Variants in AFG1L observed in about 807,000 individuals in gnomAD.
AFG1L encodes the protein AFG1-like ATPase.
A neutral mutation model predicts 62.2 loss-of-function variants in AFG1L; 53 were observed. The ratio of observed to expected loss-of-function variants is 0.85; its 90% CI spans 0.68 to 1.07. The LOEUF is 1.07. Among genes scored for constraint, AFG1L ranks in the 50% least tolerant of loss-of-function variants. The probability of loss-of-function intolerance (pLI) is 0.00; values close to 1 mark genes in which losing one functional copy is unlikely to be tolerated. For synonymous variants in AFG1L, 228 were observed against 210.3 expected, an observed-to-expected ratio of 1.08 and a Z score of -0.73; for missense variants, 555 against 590.5, an observed-to-expected ratio of 0.94 and a Z score of 0.62.
intron 10 of AFG1L, 147 bp downstream of exon 10, chr6:108,477,439 T>A: frequency 2.1e-6 from 1 of 467,866 alleles, no homozygotes; most frequent in East Asian, 3.4e-5. Context: ...TACTCATCTA[T>A]TTTTGCCATG....
At chr6:108,428,574 A>G (rs904765686) in intron 7 of AFG1L, among the ~76,000 whole-genome samples, 2 of 152,228 alleles carry the variant, frequency 1.3e-5, no homozygotes, top group African/African-American at 2.4e-5. Flanking sequence ...CGAGCAGTGT[A>G]TAAGAGTTTC....
At chr6:108,376,408 A>C (rs4945811) in intron 6 of AFG1L, among the ~76,000 whole-genome samples, 1 of 152,074 alleles carries the variant, frequency 6.6e-6, no homozygotes, top group African/African-American at 2.4e-5. Flanking sequence ...TGGATTGTTG[A>C]TTAGTATCTC....
chr6:108,369,051 C>T (rs950238712), intron 6 of AFG1L, among the ~76,000 whole-genome samples: 3 of 152,058 alleles, frequency 2.0e-5, no homozygotes, highest in Non-Finnish European at 4.4e-5. Context: ...CCACAGCAGA[C>T]AATCATCATA....
In AFG1L at chr6:108,454,598, G is replaced by T. The variant is rs558269441; in HGVS notation, c.890+7302G>T. Among the ~76,000 whole-genome samples, 7 of 152,258 alleles carry T rather than the reference G, an allele frequency of 4.6e-5. No homozygotes were observed. The East Asian group carries it at 1.4e-3, about 29-fold the overall frequency. On this transcript the variant is annotated intron_variant, in intron 8 of 12. Transcript: ENST00000368977. ...TGTTTATTGTCAGTGTAAATCAAAG[G>T]TCAGTTTCCCATCCTTCAGCAGCAC...
intron 8 of AFG1L, among the ~76,000 whole-genome samples, chr6:108,476,626 C>T (rs1401316062): frequency 6.6e-6 from 1 of 152,162 alleles, no homozygotes; most frequent in Non-Finnish European, 1.5e-5. Context: ...TGTATCGTCT[C>T]ATTACTGGAA....
intron 1 of AFG1L, among the ~76,000 whole-genome samples, chr6:108,299,925 A>G (rs1382097221): frequency 6.6e-6 from 1 of 152,226 alleles, no homozygotes; most frequent in East Asian, 1.9e-4. Context: ...AGGTTTTCTA[A>G]AACCTAAAAA....
intron 7 of AFG1L, among the ~76,000 whole-genome samples, chr6:108,441,877 G>A (rs1033088178): frequency 6.6e-6 from 1 of 151,944 alleles, no homozygotes; most frequent in Non-Finnish European, 1.5e-5. Flanking sequence ...TCACTCATAT[G>A]ATCGAGAAGT....
intron 8 of AFG1L, among the ~76,000 whole-genome samples, chr6:108,447,514 T>C (rs988388955): frequency 6.6e-6 from 1 of 152,192 alleles, no homozygotes; most frequent in Non-Finnish European, 1.5e-5. Context: ...AATTAGTTTT[T>C]TGGGGTGGAA....
chr6:108,428,239 T>C (rs1328565090), intron 7 of AFG1L, among the ~76,000 whole-genome samples: 1 of 152,236 alleles, frequency 6.6e-6, no homozygotes, highest in East Asian at 1.9e-4. Flanking sequence ...CTTGGAATAA[T>C]GGCCTTTACC....
rs191713439 is a variant in AFG1L at position 108,448,473 on chromosome 6, A to G, written c.890+1177A>G. Among the ~76,000 whole-genome samples the G allele has an allele frequency of 2.6e-3, 394 of 151,372 alleles. 2 individuals carry two copies. Among genetic ancestry groups the G allele is most frequent in the African/African-American group, 9.3e-3 (379 of 40,878 alleles). Reference sequence around the variant, plus strand: ...TCTTTATTCTTTTTTTAAAGGAGGTAATTCTTGTTCTCTGTTTTTTTTCAA... The same window carrying G: ...TCTTTATTCTTTTTTTAAAGGAGGTGATTCTTGTTCTCTGTTTTTTTTCAA... On this transcript the variant is annotated intron_variant, in intron 8 of 12. Transcript: ENST00000368977.
intron 10 of AFG1L, 111 bp from the exon 11 acceptor site, chr6:108,510,101 T>C: frequency 1.3e-6 from 1 of 753,792 alleles, no homozygotes; most frequent in Non-Finnish European, 2.1e-6. Flanking sequence ...TACCCACAGC[T>C]ACCACCTAGA....
chr6:108,431,597 C>CTTTTTTTTTTTTTTT (rs5878977), intron 7 of AFG1L, among the ~76,000 whole-genome samples: 1 of 98,448 alleles, frequency 1.0e-5, no homozygotes, highest in Non-Finnish European at 2.0e-5. Flanking sequence ...TTCTTTGTTG[C>CTTTTTTTTTTTTTTT]TTTTTTTTTT....
intron 1 of AFG1L, among the ~76,000 whole-genome samples, chr6:108,312,158 C>T (rs1397753182): frequency 1.3e-5 from 2 of 152,186 alleles, no homozygotes; most frequent in Non-Finnish European, 2.9e-5. Context: ...AGCCATCGTG[C>T]CCGGCCTAAA....
intron 7 of AFG1L, among the ~76,000 whole-genome samples, chr6:108,437,907 T>A (rs553860017): frequency 6.6e-6 from 1 of 152,300 alleles, no homozygotes; most frequent in African/African-American, 2.4e-5. Context: ...ATTGTCCTGG[T>A]CAAATCACAG....
chr6:108,522,565 C>G lies in AFG1L; in HGVS notation c.*140C>G. 2 of 911,834 alleles carry G rather than the reference C, an allele frequency of 2.2e-6. No individual in the cohort carries two copies. Among genetic ancestry groups the G allele is most frequent in the Non-Finnish European group, 3.1e-6 (2 of 642,850 alleles). The allele number at this position is 911,834 out of a possible 1,614,324, so 56.5% of individuals were successfully genotyped here. A position where few individuals can be genotyped will look rare whatever the true frequency, so the allele number is the denominator to read the frequency against. On this transcript the variant is annotated 3_prime_UTR_variant, in exon 13 of 13. Transcript: ENST00000368977. Reference sequence around the variant, plus strand: ...GACCATTTTAATCTAAAATTGCTCTCAAGGATCTAGTGGATTAGTAAGTTA... The same window carrying G: ...GACCATTTTAATCTAAAATTGCTCTGAAGGATCTAGTGGATTAGTAAGTTA...
intron 5 of AFG1L, among the ~76,000 whole-genome samples, chr6:108,364,453 G>A (rs1333589096): frequency 6.6e-6 from 1 of 152,100 alleles, no homozygotes; most frequent in African/African-American, 2.4e-5. Context: ...CAAGCTAAAT[G>A]TCCCTTCAGT....
intron 10 of AFG1L, among the ~76,000 whole-genome samples, chr6:108,478,216 T>C (rs549861873): frequency 6.6e-6 from 1 of 152,244 alleles, no homozygotes; most frequent in African/African-American, 2.4e-5. Flanking sequence ...GGCGGGTGGA[T>C]CATGAGGTCA....
intron 8 of AFG1L, among the ~76,000 whole-genome samples, chr6:108,471,758 G>C (rs1181348177): frequency 6.6e-6 from 1 of 152,044 alleles, no homozygotes; most frequent in Non-Finnish European, 1.5e-5. Context: ...AAAACATGCT[G>C]CCTCCTATTT....
intron 11 of AFG1L, among the ~76,000 whole-genome samples, chr6:108,515,866 T>C (rs1320542061): frequency 6.6e-6 from 1 of 152,132 alleles, no homozygotes; most frequent in East Asian, 1.9e-4. Flanking sequence ...GAGAATACTA[T>C]AAACACCTCT....
Sources: allele counts gnomAD v4.1 joint callset (sites outside exome capture counted in the v4.1 genomes callset), GRCh38; gene constraint gnomAD v4.1.1; transcripts MANE v1.5; gene names NCBI Gene and HGNC (gene_info 2026-07-23, HGNC 2026-07-21).